The following CACNA1C variants were observed in gnomAD, a reference collection of about 807,000 sequenced individuals.
CACNA1C encodes the protein voltage-dependent L-type calcium channel subunit alpha-1C.
Under a neutral mutation model 229.0 loss-of-function variants are expected in CACNA1C, and 30 were observed. That is an observed-to-expected ratio of 0.13 (90% CI 0.10 to 0.18). CACNA1C has a LOEUF of 0.18. Ranked by LOEUF, CACNA1C falls within the 10% of genes least tolerant of loss-of-function variation. The pLI, the probability that CACNA1C is intolerant of heterozygous loss-of-function variation, is 1.00. For missense variants in CACNA1C, 1,658 were observed against 2,845.0 expected (o/e 0.58, Z 9.49); for synonymous variants, 1,114 against 1,132.5 (o/e 0.98, Z 0.33).
chr12:2,036,012 G>C (rs915188281), intron 1 of CACNA1C, among the ~76,000 whole-genome samples: 2 of 152,166 alleles, frequency 1.3e-5, no homozygotes, highest in African/African-American at 4.8e-5. Flanking sequence ...GTTATCTCTT[G>C]TAACACCTTC....
chr12:2,332,366 A>T (rs2096572979), intron 3 of CACNA1C, among the ~76,000 whole-genome samples: 1 of 152,212 alleles, frequency 6.6e-6, no homozygotes, highest in South Asian at 2.1e-4. Context: ...AAAAGATAAA[A>T]AGAAAAAGGC....
chr12:2,259,991 C>T (rs542993439), intron 3 of CACNA1C, among the ~76,000 whole-genome samples: 4 of 152,234 alleles, frequency 2.6e-5, no homozygotes, highest in African/African-American at 7.2e-5. Context: ...CTCAGAGAAT[C>T]CCCCTCTCCC....
At chr12:2,362,537 C>T (rs968612215) in intron 3 of CACNA1C, among the ~76,000 whole-genome samples, 1 of 152,184 alleles carries the variant, frequency 6.6e-6, no homozygotes, top group Non-Finnish European at 1.5e-5. Context: ...CCACACAGTT[C>T]AAGACAACAC....
intron 3 of CACNA1C, among the ~76,000 whole-genome samples, chr12:2,205,584 G>A (rs1223297190): frequency 1.3e-5 from 2 of 152,122 alleles, no homozygotes; most frequent in African/African-American, 4.8e-5. Context: ...TGCATGAGTT[G>A]GGGTCCTGTG....
chr12:2,203,379 A>G (rs1171594440), intron 3 of CACNA1C, among the ~76,000 whole-genome samples: 2 of 152,138 alleles, frequency 1.3e-5, no homozygotes, highest in Admixed American at 6.5e-5. Flanking sequence ...TGTCTCACCC[A>G]CTGAAGGGTA....
chr12:2,420,913 T>C (rs767769364), intron 3 of CACNA1C, among the ~76,000 whole-genome samples: 7 of 152,196 alleles, frequency 4.6e-5, no homozygotes, highest in Non-Finnish European at 4.4e-5. Context: ...TCCTTGGGGG[T>C]GCTCTGAAAC....
Position 2,354,132 on chromosome 12 carries a change from C to T in CACNA1C, c.478-94844C>T, listed in dbSNP as rs746475845. On this transcript the variant is annotated intron_variant, in intron 3 of 46. Transcript: ENST00000399655. The surrounding 1 kb of genome is among the most constrained non-coding windows in gnomAD (Gnocchi z 4.6). ...CTGATGGGGATGGAGTGGGGGCTGT[C>T]GGGAAGGACTGGATGGAGTCTGTTT... is the stretch of plus-strand genomic sequence containing the variant. Among the ~76,000 whole-genome samples, 42 of 152,090 alleles carry T rather than the reference C, an allele frequency of 2.8e-4. No homozygotes were observed. Among genetic ancestry groups the T allele is most frequent in the African/African-American group, 3.1e-4 (13 of 41,412 alleles).
rs1303097959 is a variant in CACNA1C at position 1,979,179 on chromosome 12, AT to A, written c.139+7986del. Among the ~76,000 whole-genome samples, 41 of 152,072 alleles carry A rather than the reference AT, an allele frequency of 2.7e-4. 1 individual carries two copies. The highest frequency in any genetic ancestry group is 9.4e-4 in the African/African-American group (39 of 41,490). ...ACGTGCCCGCCATCGAGCCTGGCTA[AT>A]TTTTTTTATTTTTAGTAGAGATGGG... is the stretch of plus-strand genomic sequence containing the variant. On this transcript the variant is annotated intron_variant, in intron 1 of 46. Coordinates refer to the CACNA1C transcript ENST00000682462.
chr12:2,469,596 A>T (rs1223965499), intron 5 of CACNA1C, among the ~76,000 whole-genome samples: 1 of 152,142 alleles, frequency 6.6e-6, no homozygotes, highest in African/African-American at 2.4e-5. Context: ...AATTCTGAGT[A>T]TTCTTAAAAT....
chr12:2,161,385 A>G (rs7958228), intron 3 of CACNA1C, among the ~76,000 whole-genome samples: 1,625 of 152,264 alleles, frequency 0.011, 33 homozygotes, highest in African/African-American at 0.037. Context: ...GAGCAGGGGC[A>G]CAGAGAGTGG....
At chr12:2,086,049 G>A (rs977470807) in intron 1 of CACNA1C, among the ~76,000 whole-genome samples, 2 of 152,164 alleles carry the variant, frequency 1.3e-5, no homozygotes, top group African/African-American at 2.4e-5. Context: ...CAGATGCAGC[G>A]GGTTGGGCAT....
chr12:2,686,065 G>A, intron 44 of CACNA1C, 101 bp from the exon 45 acceptor site: 1 of 1,021,734 alleles, frequency 9.8e-7, no homozygotes, highest in Non-Finnish European at 1.6e-6. Context: ...GAGCGTCTCG[G>A]GCCATAGTTA....
At chr12:2,255,679 G>A (rs920549366) in intron 3 of CACNA1C, among the ~76,000 whole-genome samples, 5 of 152,234 alleles carry the variant, frequency 3.3e-5, no homozygotes, top group African/African-American at 1.2e-4. Context: ...AGGAAGGGCA[G>A]TGTTTAGGAT....
chr12:2,230,992 T>A (rs114779217), intron 3 of CACNA1C, among the ~76,000 whole-genome samples: 3,075 of 152,276 alleles, frequency 0.02, 112 homozygotes, highest in African/African-American at 0.07. Flanking sequence ...ATTTCTTATT[T>A]GCCACGCGGA....
intron 34 of CACNA1C, among the ~76,000 whole-genome samples, chr12:2,662,038 C>G (rs1046085463): frequency 4.9e-4 from 74 of 152,126 alleles, no homozygotes; most frequent in Admixed American, 1.3e-3. Flanking sequence ...GTCAGGAGAT[C>G]GAGACCATCC....
rs566143060 is a variant in CACNA1C at position 2,186,058 on chromosome 12, G to A, written c.477+65628G>A. ...TCACTCGGTTCCCTACTCTGAGGTG[G>A]CTACGGCCAGACTCGCCTCAGCAGC... On this transcript the variant is annotated intron_variant, in intron 3 of 46. Coordinates refer to ENST00000399655, the MANE Select transcript of CACNA1C (RefSeq NM_000719.7). Among the ~76,000 whole-genome samples the A allele has an allele frequency of 5.3e-5, 8 of 152,284 alleles. No homozygotes were observed. The East Asian group carries it at 1.5e-3, about 29-fold the overall frequency.
Position 2,410,868 on chromosome 12 carries a change from TCCTATCCTTCCCTTCTCCTGGCTGC to T in CACNA1C, c.478-38081_478-38057del, listed in dbSNP as rs373754034. Reference sequence around the variant, plus strand: ...CTGACCCTGGCTGTGAGGATGGCCTTCCTATCCTTCCCTTCTCCTGGCTGCCCTATCCTTCCCTTCTCCTGGCTGC... The same window carrying T: ...CTGACCCTGGCTGTGAGGATGGCCTTCCTATCCTTCCCTTCTCCTGGCTGC... On this transcript the variant is annotated intron_variant, in intron 3 of 46. Coordinates refer to ENST00000399655, the MANE Select transcript of CACNA1C (RefSeq NM_000719.7). This position sits in a 1 kb window ranked among gnomAD's most constrained non-coding sequence, Gnocchi z 5.3. Among the ~76,000 whole-genome samples, 2,658 of 151,996 alleles carry T rather than the reference TCCTATCCTTCCCTTCTCCTGGCTGC, an allele frequency of 0.017. 83 individuals are homozygous for T. Among genetic ancestry groups the T allele is most frequent in the African/African-American group, 0.058 (2,402 of 41,402 alleles).
chr12:2,313,876 C>T (rs1336903267), intron 3 of CACNA1C, among the ~76,000 whole-genome samples: 1 of 152,178 alleles, frequency 6.6e-6, no homozygotes, highest in Non-Finnish European at 1.5e-5. Flanking sequence ...GATGATCTAT[C>T]GCCTCCCTGT....
At chr12:2,686,582 C>T (rs965222793) in intron 45 of CACNA1C, among the ~76,000 whole-genome samples, 7 of 152,334 alleles carry the variant, frequency 4.6e-5, no homozygotes, top group South Asian at 2.1e-4. Context: ...ATGCCACTGA[C>T]GCCTCTGACA....
Sources: gnomAD v4.1 joint callset for allele counts (sites outside exome capture counted in the v4.1 genomes callset) on GRCh38, gnomAD v4.1.1 for gene constraint, Gnocchi (gnomAD v3.1) non-coding constraint, MANE v1.5 for transcripts, NCBI Gene and HGNC (gene_info 2026-07-23, HGNC 2026-07-21) for gene names.